The following MAF variants were observed in gnomAD, a reference collection of about 807,000 sequenced individuals.
The protein encoded by MAF is MAF bZIP transcription factor, also known as transcription factor Maf.
In MAF, 10 loss-of-function variants were observed where a neutral mutation model predicts 22.0. That is an observed-to-expected ratio of 0.45 (90% CI 0.28 to 0.77). The LOEUF is 0.77. Among genes scored for constraint, MAF ranks in the 30% least tolerant of loss-of-function variants. The pLI is 0.12. For synonymous variants in MAF, 337 were observed against 255.8 expected (o/e 1.32, Z -3.03); for missense variants, 544 against 548.4 (o/e 0.99, Z 0.08).
chr16:79,330,980 A>C, the MAF span, among the ~76,000 whole-genome samples: 1 of 152,226 alleles, frequency 6.6e-6, no homozygotes. Context: ...AGTGGCGAAC[A>C]ATGGTAAGAA....
the MAF span, among the ~76,000 whole-genome samples, chr16:79,275,889 C>T: frequency 3.9e-5 from 6 of 152,116 alleles, no homozygotes; most frequent in African/African-American, 1.4e-4. Flanking sequence ...TGCCTGTAAT[C>T]CCAGCACTTT....
chr16:79,258,789 T>G, the MAF span, among the ~76,000 whole-genome samples: 1 of 152,130 alleles, frequency 6.6e-6, no homozygotes, highest in Non-Finnish European at 1.5e-5. Flanking sequence ...TGTTGGCAAG[T>G]ATAGTGCTAG....
chr16:79,428,963 C>A, the MAF span, among the ~76,000 whole-genome samples: 1 of 152,102 alleles, frequency 6.6e-6, no homozygotes, highest in African/African-American at 2.4e-5. Flanking sequence ...GACAGGGCAA[C>A]GGAGGCTCCA....
At chr16:79,255,097 A>C in the MAF span, among the ~76,000 whole-genome samples, 1 of 152,152 alleles carries the variant, frequency 6.6e-6, no homozygotes, top group Non-Finnish European at 1.5e-5. Context: ...TTCTCTCTAA[A>C]CACACCAAGG....
downstream of MAF, among the ~76,000 whole-genome samples, chr16:79,593,008 G>A (rs1913272838): frequency 6.6e-6 from 1 of 152,110 alleles, no homozygotes; most frequent in Admixed American, 6.5e-5. Flanking sequence ...GACGGCTGAA[G>A]GTTGTCACTC....
At chr16:79,588,018 C>T (rs1466543029) in intron 1 of MAF, among the ~76,000 whole-genome samples, 2 of 152,134 alleles carry the variant, frequency 1.3e-5, no homozygotes, top group African/African-American at 4.8e-5. Flanking sequence ...GAGAGATTTT[C>T]GAGCTGGGCC....
At chr16:79,368,950 T>A in the MAF span, among the ~76,000 whole-genome samples, 2 of 152,188 alleles carry the variant, frequency 1.3e-5, no homozygotes, top group African/African-American at 4.8e-5. Flanking sequence ...CATAAGTTGT[T>A]TTTTGTTGTT....
At chr16:79,456,064 A>C in the MAF span, among the ~76,000 whole-genome samples, 2 of 152,190 alleles carry the variant, frequency 1.3e-5, no homozygotes, top group East Asian at 3.9e-4. Context: ...TAATGTGGAC[A>C]TTCCTTTGGT....
chr16:79,223,788 C>G, the MAF span, among the ~76,000 whole-genome samples: 4 of 152,074 alleles, frequency 2.6e-5, no homozygotes, highest in Non-Finnish European at 5.9e-5. Context: ...TGGACATATA[C>G]ACCCTCCCAA....
At chr16:79,468,320 A>C in the MAF span, among the ~76,000 whole-genome samples, 1 of 152,162 alleles carries the variant, frequency 6.6e-6, no homozygotes, top group Non-Finnish European at 1.5e-5. Context: ...GCCAGACGGC[A>C]CTGGGGGGAT....
chr16:79,231,419 G>A, the MAF span, among the ~76,000 whole-genome samples: 48 of 152,028 alleles, frequency 3.2e-4, 1 homozygote, highest in African/African-American at 7.5e-4. Context: ...TCTAAATCAC[G>A]AAAGCTGACA....
At chr16:79,489,081 A>G in the MAF span, among the ~76,000 whole-genome samples, 3 of 152,112 alleles carry the variant, frequency 2.0e-5, no homozygotes, top group African/African-American at 7.2e-5. Flanking sequence ...AAAATCATTT[A>G]TTCATCTCTC....
the MAF span, among the ~76,000 whole-genome samples, chr16:79,253,367 C>A: frequency 6.6e-5 from 10 of 152,292 alleles, no homozygotes; most frequent in East Asian, 1.9e-3. Flanking sequence ...TTTTCTTCTG[C>A]AGCTTTTTCC....
the MAF span, among the ~76,000 whole-genome samples, chr16:79,537,143 A>G: frequency 1.6e-4 from 25 of 152,266 alleles, no homozygotes; most frequent in Non-Finnish European, 2.5e-4. Context: ...AGCACATTTT[A>G]TTGAATGATA....
chr16:79,554,723 T>C, the MAF span, among the ~76,000 whole-genome samples: 56,127 of 151,936 alleles, frequency 0.37, 10,665 homozygotes, highest in Admixed American at 0.45. Context: ...CCCAGAAAAA[T>C]GACCTTCGGG....
the MAF span, among the ~76,000 whole-genome samples, chr16:79,328,281 C>CT: frequency 0.14 from 21,118 of 150,974 alleles, 1,555 homozygotes; most frequent in Non-Finnish European, 0.16. Flanking sequence ...ATCAGAGCTC[C>CT]TTTTTTTTTA....
the MAF span, among the ~76,000 whole-genome samples, chr16:79,462,966 G>A: frequency 1.3e-5 from 2 of 152,182 alleles, no homozygotes; most frequent in South Asian, 4.1e-4. Flanking sequence ...ATTAGAGGGT[G>A]GTAAAGGATG....
At chr16:79,325,387 T>A in the MAF span, among the ~76,000 whole-genome samples, 2 of 152,154 alleles carry the variant, frequency 1.3e-5, no homozygotes, top group African/African-American at 4.8e-5. Flanking sequence ...CATGGAACCC[T>A]TACTACAGCT....
At chr16:79,580,339 C>G in the MAF span, among the ~76,000 whole-genome samples, 1 of 152,188 alleles carries the variant, frequency 6.6e-6, no homozygotes, top group African/African-American at 2.4e-5. Flanking sequence ...AAGATCAGAG[C>G]AAACAGATGG....
Sources: gnomAD v4.1 joint callset for allele counts (sites outside exome capture counted in the v4.1 genomes callset) on GRCh38, gnomAD v4.1.1 for gene constraint, MANE v1.5 for transcripts, NCBI Gene and HGNC (gene_info 2026-07-23, HGNC 2026-07-21) for gene names.